RGS12: variants seen among roughly 807,000 people sequenced by gnomAD.
RGS12 encodes the protein regulator of G protein signaling 12.
RGS12 carries 66 observed loss-of-function variants against 120.1 expected under a neutral mutation model. The observed-to-expected ratio is 0.55, with a 90% CI of 0.45 to 0.67. RGS12 has a LOEUF of 0.67. Among genes scored for constraint, RGS12 ranks in the 30% least tolerant of loss-of-function variants. The pLI, the probability that RGS12 is intolerant of heterozygous loss-of-function variation, is 0.00. For missense variants in RGS12, 1,859 were observed against 1,957.7 expected, an observed-to-expected ratio of 0.95 and a Z score of 0.95; for synonymous variants, 827 against 804.7, an observed-to-expected ratio of 1.03 and a Z score of -0.47.
chr4:3,291,229 G>A (rs191159152), upstream of RGS12, among the ~76,000 whole-genome samples: 181 of 152,342 alleles, frequency 1.2e-3, no homozygotes, highest in Non-Finnish European at 1.7e-3. Flanking sequence ...TGAGCTCTGC[G>A]GCCTGCTTCC....
intron 3 of RGS12, among the ~76,000 whole-genome samples, chr4:3,362,474 G>T (rs535365046): frequency 1.4e-5 from 2 of 137,948 alleles, no homozygotes; most frequent in East Asian, 4.5e-4. Context: ...GTGTGTGAGG[G>T]TGTGTGTATG....
intron 14 of RGS12, 83 bp downstream of exon 14, chr4:3,425,643 G>A (rs1723539432): frequency 2.3e-6 from 2 of 886,678 alleles, no homozygotes; most frequent in Non-Finnish European, 3.5e-6. Flanking sequence ...GTGCAGGGGA[G>A]GGGGTGAGTG....
rs1717065813 is a variant in RGS12 at position 3,372,063 on chromosome 4, G to A, written c.1999-14353G>A. Among the ~76,000 whole-genome samples, 1 of 152,156 alleles carries A rather than the reference G, an allele frequency of 6.6e-6. No homozygotes were observed. The highest frequency in any genetic ancestry group is 2.4e-5 in the African/African-American group (1 of 41,436). On this transcript the variant is annotated intron_variant, in intron 3 of 17. Transcript: ENST00000336727. The surrounding 1 kb of genome is among the most constrained non-coding windows in gnomAD (Gnocchi z 4.3). ...AGATGCCCGTGCCTGTCACCTAATC[G>A]GGGCACCTCATCCTGTTTCATAAAC...
At chr4:3,328,405 A>G (rs1231029292) in intron 2 of RGS12, among the ~76,000 whole-genome samples, 1 of 152,218 alleles carries the variant, frequency 6.6e-6, no homozygotes, top group East Asian at 1.9e-4. Flanking sequence ...ATACATTTTC[A>G]TCGTATCTAA....
At chr4:3,419,782 C>G (rs1281470871) in intron 9 of RGS12, among the ~76,000 whole-genome samples, 4 of 152,104 alleles carry the variant, frequency 2.6e-5, no homozygotes, top group Non-Finnish European at 4.4e-5. Context: ...GATTGTGCCA[C>G]TGTACTCCAG....
At chr4:3,386,033 C>T (rs895683140) in intron 3 of RGS12, 3 of 251,212 alleles carry the variant, frequency 1.2e-5, no homozygotes, top group Non-Finnish European at 2.3e-5. Context: ...TCCTGGGTGG[C>T]GTCACGGCAC....
intron 3 of RGS12, among the ~76,000 whole-genome samples, chr4:3,353,617 T>A (rs903695727): frequency 6.6e-6 from 1 of 152,174 alleles, no homozygotes; most frequent in Non-Finnish European, 1.5e-5. Context: ...GGAAGGAGAC[T>A]GTGCCACGGG....
At chr4:3,376,130 G>C (rs1190334887) in intron 3 of RGS12, among the ~76,000 whole-genome samples, 1 of 152,224 alleles carries the variant, frequency 6.6e-6, no homozygotes, top group Non-Finnish European at 1.5e-5. Context: ...TATTATCTTA[G>C]GCTCCGCCAA....
intron 3 of RGS12, among the ~76,000 whole-genome samples, chr4:3,363,599 C>T (rs1024111375): frequency 3.9e-5 from 6 of 152,166 alleles, no homozygotes; most frequent in African/African-American, 1.4e-4. Flanking sequence ...ACAGCCCTGC[C>T]TGCCGTGGAG....
At chr4:3,328,544 C>A (rs1372741151) in intron 2 of RGS12, among the ~76,000 whole-genome samples, 3 of 152,166 alleles carry the variant, frequency 2.0e-5, no homozygotes. Context: ...CCCTTGACCT[C>A]CAGGACGGTG....
At chr4:3,363,653 C>A (rs13125849) in intron 3 of RGS12, among the ~76,000 whole-genome samples, 5,147 of 152,288 alleles carry the variant, frequency 0.034, 136 homozygotes, top group Non-Finnish European at 0.046. Context: ...TGCAGGGCTC[C>A]ATGCGGGAGT....
chr4:3,373,154 C>G (rs1220542685), intron 3 of RGS12, among the ~76,000 whole-genome samples: 1 of 152,148 alleles, frequency 6.6e-6, no homozygotes, highest in Non-Finnish European at 1.5e-5. Flanking sequence ...GGAGTGTGGT[C>G]ACGAGGGGGC....
intron 2 of RGS12, among the ~76,000 whole-genome samples, chr4:3,319,085 C>T (rs1725011670): frequency 6.7e-6 from 1 of 150,088 alleles, no homozygotes; most frequent in Non-Finnish European, 1.5e-5. Context: ...TTGATTCCCC[C>T]TCCCCTAGTG....
chr4:3,302,701 G>A (rs751647416), intron 1 of RGS12, among the ~76,000 whole-genome samples: 1 of 152,232 alleles, frequency 6.6e-6, no homozygotes, highest in Admixed American at 6.5e-5. Flanking sequence ...GGAGTGAACA[G>A]GCACAGCCGG....
intron 3 of RGS12, chr4:3,385,982 C>A (rs543898223): frequency 5.3e-6 from 1 of 190,156 alleles, no homozygotes; most frequent in Non-Finnish European, 1.1e-5. Context: ...TCATGGCACA[C>A]AGGCACTGAG....
chr4:3,428,300 G>T, intron 15 of RGS12, 131 bp downstream of exon 15: 1 of 921,206 alleles, frequency 1.1e-6, no homozygotes, highest in Non-Finnish European at 1.8e-6. Context: ...CCTTGGCGGG[G>T]TCTCTCTCGT....
chr4:3,309,094 CTG>C (rs1724144382), intron 1 of RGS12, among the ~76,000 whole-genome samples: 2 of 121,424 alleles, frequency 1.6e-5, no homozygotes, highest in African/African-American at 6.6e-5. Flanking sequence ...TGGCAGGTGT[CTG>C]CTGAGGGGAA....
chr4:3,345,774 TTAA>T (rs1165705904), intron 3 of RGS12, among the ~76,000 whole-genome samples: 3 of 152,152 alleles, frequency 2.0e-5, no homozygotes, highest in South Asian at 2.1e-4. Flanking sequence ...CAGAGTGAAA[TTAA>T]TAATAATATG....
chr4:3,368,695 GCCTGTGTGTGTTGGGGGT>G (rs1716646216), intron 3 of RGS12, among the ~76,000 whole-genome samples: 1 of 82,860 alleles, frequency 1.2e-5, no homozygotes, highest in African/African-American at 4.5e-5. Flanking sequence ...GTGTGGGGGT[GCCTGTGTGTGTTGGGGGT>G]GCCTGTGTGT....
Sources: gnomAD v4.1 joint callset for allele counts (sites outside exome capture counted in the v4.1 genomes callset) on GRCh38, gnomAD v4.1.1 for gene constraint, Gnocchi (gnomAD v3.1) non-coding constraint, MANE v1.5 for transcripts, NCBI Gene and HGNC (gene_info 2026-07-23, HGNC 2026-07-21) for gene names.